Variants in ATOH1 observed in about 807,000 individuals in gnomAD.
ATOH1 encodes transcription factor ATOH1.
In ATOH1, 9 loss-of-function variants were observed where a neutral mutation model predicts 20.7. That is an observed-to-expected ratio of 0.44 (90% confidence interval 0.26 to 0.76). The LOEUF (loss-of-function observed/expected upper bound fraction) is 0.76. Ranked by LOEUF, ATOH1 falls within the 30% of genes least tolerant of loss-of-function variation. ATOH1 has a pLI of 0.20. For missense variants in ATOH1, 516 were observed against 479.3 expected (o/e 1.08, Z -0.71); for synonymous variants, 247 against 214.3 (o/e 1.15, Z -1.33).
In ATOH1 at chr4:93,830,164, G is replaced by T. The variant is rs547309428; in HGVS notation, c.*173G>T. 23 of 1,346,726 alleles carry T rather than the reference G, an allele frequency of 1.7e-5. No homozygotes were observed. The South Asian group carries it at 4.1e-4, about 24-fold the overall frequency. The allele number at this position is 1,346,726 out of a possible 1,614,324, so 83.4% of individuals were successfully genotyped here. On this transcript the variant is annotated 3_prime_UTR_variant, in exon 1 of 1. Coordinates refer to ENST00000306011, the MANE Select transcript of ATOH1 (RefSeq NM_005172.2). ...CTACATTTGATGGTTTGCAAATGCCGCCGCTGTTCCAAACTTCCTACGGTC... is the reference window on the plus strand; with the variant it reads ...CTACATTTGATGGTTTGCAAATGCCTCCGCTGTTCCAAACTTCCTACGGTC...
Position 93,829,733 on chromosome 4 carries a change from C to T in ATOH1, c.807C>T (p.Pro269=). The T allele has an allele frequency of 2.5e-6, 4 of 1,577,524 alleles. No homozygotes were observed. The South Asian group carries it at 3.6e-5, about 14-fold the overall frequency. Reference sequence around the variant, plus strand: ...GAGGGAGCCAGCGGCCGACCCCGCCCGGGAGTTGCCGGACTCGCTTCTCAG... The same window carrying T: ...GAGGGAGCCAGCGGCCGACCCCGCCTGGGAGTTGCCGGACTCGCTTCTCAG... ...ASGGSQRPTP[P]GSCRTRFSAP... is the part of the protein sequence containing the mutation. The change falls in exon 1 of 1, where the codon CCC becomes CCT. Residue 269 remains proline (P), a synonymous_variant. Transcript: ENST00000306011. The surrounding 1 kb of genome is among the most constrained non-coding windows in gnomAD (Gnocchi z 4.5).
rs1295165571 is a variant in ATOH1, at chr4:93,829,677, G to A, written c.751G>A (p.Ala251Thr). 1.9e-6 allele frequency: 3 copies of A among 1,571,130 alleles called. No homozygotes were observed. The highest frequency in any genetic ancestry group is 4.5e-5 in the East Asian group (2 of 44,568). Residue 251 changes from alanine to threonine, a missense_variant, in exon 1 of 1, where the codon GCG becomes ACG. By Grantham distance (58) the Ala-to-Thr change is moderately conservative. Coordinates refer to ENST00000306011, the MANE Select transcript of ATOH1 (RefSeq NM_005172.2). The surrounding 1 kb of genome is among the most constrained non-coding windows in gnomAD (Gnocchi z 4.5). ...CTCCTATGAAGGGGGCGCGGGCAAC[G>A]CGACCGCAGCTGGGGCTCAGCAGGC... The part of the protein sequence containing the change: ...AASYEGGAGN[A>T]TAAGAQQASG...
Position 93,829,502 on chromosome 4 carries a change from C to A in ATOH1, c.576C>A (p.Asp192Glu). The stretch of plus-strand genomic sequence containing the variant: ...ATGTTATCCCGTCGTTCAACAACGA[C>A]AAGAAGCTGTCCAAATATGAGACCC... ...LRNVIPSFNN[D>E]KKLSKYETLQ... Residue 192 changes from aspartate to glutamate, a missense_variant, in exon 1 of 1, where the codon GAC (aspartate) becomes GAA (glutamate). By Grantham distance (45) the Asp-to-Glu change is conservative. Coordinates refer to ENST00000306011, the MANE Select transcript of ATOH1 (RefSeq NM_005172.2). The surrounding 1 kb of genome is among the most constrained non-coding windows in gnomAD (Gnocchi z 4.5). The A allele has an allele frequency of 6.2e-7, 1 of 1,614,254 alleles. No homozygotes were observed. Among genetic ancestry groups the A allele is most frequent in the Admixed American group, 1.7e-5 (1 of 60,026 alleles).
In ATOH1 at chr4:93,830,920, T is replaced by G. The variant is rs1168991977; in HGVS notation, c.*929T>G. On this transcript the variant is annotated 3_prime_UTR_variant, in exon 1 of 1. Transcript: ENST00000306011. ...AATTTAGCAAAGCCAACTGCCCTTG[T>G]TTAATGTATTTTGTTTTGCAAATGA... 6.0e-6 allele frequency: 1 copy of G among 166,974 alleles called. No individual in the cohort carries two copies. Among genetic ancestry groups the G allele is most frequent in the Non-Finnish European group, 1.5e-5 (1 of 68,114 alleles). 10.3% of individuals were successfully genotyped at this position (166,974 alleles called of 1,614,324 possible).
chr4:93,829,750 G>T lies in ATOH1; in HGVS notation c.824G>T (p.Arg275Leu). The T allele has an allele frequency of 1.9e-6, 3 of 1,587,422 alleles. No homozygotes were observed. In the South Asian group the frequency reaches 3.5e-5, roughly 18 times the overall value. ...ACCCCGCCCGGGAGTTGCCGGACTC[G>T]CTTCTCAGCCCCAGCTTCTGCGGGA... ...RPTPPGSCRT[R>L]FSAPASAGGY... The change falls in exon 1 of 1, where the codon CGC (arginine) becomes CTC (leucine). Residue 275 changes from arginine (R) to leucine (L), a missense_variant. Transcript: ENST00000306011. The surrounding 1 kb of genome is among the most constrained non-coding windows in gnomAD (Gnocchi z 4.5).
At position 93,829,128 on chromosome 4, in the gene ATOH1, A is replaced by G. The variant is rs1735390194; in HGVS notation, c.202A>G (p.Thr68Ala). Reference sequence around the variant, plus strand: ...CGACCCACGCGCCTGGCTGGCTCCCACTTTGCAGGGCATCTGCACGGCACG... The same window carrying G: ...CGACCCACGCGCCTGGCTGGCTCCCGCTTTGCAGGGCATCTGCACGGCACG... The part of the protein sequence containing the change: ...STDPRAWLAP[T>A]LQGICTARAA... The change falls in exon 1 of 1, where the codon ACT becomes GCT. Residue 68 changes from threonine to alanine, a missense_variant. Physicochemically the swap from Thr to Ala is moderately conservative, Grantham distance 58. Transcript: ENST00000306011. The surrounding 1 kb of genome is among the most constrained non-coding windows in gnomAD (Gnocchi z 4.5). 1.2e-6 allele frequency: 2 copies of G among 1,607,566 alleles called. No individual in the cohort carries two copies. Among genetic ancestry groups the G allele is most frequent in the Non-Finnish European group, 1.7e-6 (2 of 1,176,116 alleles).
At position 93,829,315 on chromosome 4, in the gene ATOH1, A is replaced by T; in HGVS notation, c.389A>T (p.Lys130Met). Residue 130 changes from lysine to methionine, a missense_variant, in exon 1 of 1, where the codon AAG becomes ATG. Lys to Met is a moderately conservative substitution (Grantham distance 95). Transcript: ENST00000306011. This position sits in a 1 kb window ranked among gnomAD's most constrained non-coding sequence, Gnocchi z 4.5. ...GPVKVREQLC[K>M]LKGGVVVDEL... ...GTGAAAGTGCGGGAACAGCTGTGCA[A>T]GCTGAAAGGCGGGGTGGTGGTAGAC... 6.2e-7 allele frequency: 1 copy of T among 1,613,812 alleles called. No individual in the cohort carries two copies. The highest frequency in any genetic ancestry group is 1.7e-5 in the Admixed American group (1 of 60,012).
rs201509026 is a variant in ATOH1, at chr4:93,829,220, G to T, written c.294G>T (p.Glu98Asp). ...GASEAAAPRD[E>D]VDGRGELVRR... Reference sequence around the variant, plus strand: ...CAGAGGCCGCTGCGCCCCGGGACGAGGTGGACGGCCGGGGGGAGCTGGTAA... The same window carrying T: ...CAGAGGCCGCTGCGCCCCGGGACGATGTGGACGGCCGGGGGGAGCTGGTAA... Residue 98 changes from glutamate (E) to aspartate (D), a missense_variant, in exon 1 of 1, where the codon GAG (glutamate) becomes GAT (aspartate). Transcript: ENST00000306011. The surrounding 1 kb of genome is among the most constrained non-coding windows in gnomAD (Gnocchi z 4.5). The T allele has an allele frequency of 2.5e-4, 391 of 1,586,054 alleles. No homozygotes were observed. The highest frequency in any genetic ancestry group is 2.6e-4 in the Non-Finnish European group (299 of 1,165,182).
Position 93,828,983 on chromosome 4 carries a change from C to G in ATOH1, c.57C>G (p.His19Gln). The change falls in exon 1 of 1, where the codon CAC becomes CAG. Residue 19 changes from histidine (H) to glutamine (Q), a missense_variant. Coordinates refer to ENST00000306011, the MANE Select transcript of ATOH1 (RefSeq NM_005172.2). ...CTGAAGTGAAGGAGTTGGGAGACCACCATCGCCAGCCCCAGCCGCATCATC... is the reference window on the plus strand; with the variant it reads ...CTGAAGTGAAGGAGTTGGGAGACCAGCATCGCCAGCCCCAGCCGCATCATC... ...EWAEVKELGD[H>Q]HRQPQPHHLP... is the part of the protein sequence containing the mutation. 1 of 1,612,632 alleles carries G rather than the reference C, an allele frequency of 6.2e-7. No homozygotes were observed. The highest frequency in any genetic ancestry group is 8.5e-7 in the Non-Finnish European group (1 of 1,179,308).
chr4:93,829,771 C>T lies in ATOH1; in HGVS notation c.845C>T (p.Ala282Val), dbSNP rs1193365235. 2.5e-6 allele frequency: 4 copies of T among 1,603,474 alleles called. No homozygotes were observed. Among genetic ancestry groups the T allele is most frequent in the East Asian group, 2.2e-5 (1 of 44,796 alleles). ...CRTRFSAPAS[A>V]GGYSVQLDAL... ...ACTCGCTTCTCAGCCCCAGCTTCTG[C>T]GGGAGGGTACTCGGTGCAGCTGGAC... Residue 282 changes from alanine (A) to valine (V), a missense_variant, in exon 1 of 1, where the codon GCG (alanine) becomes GTG (valine). Ala to Val is a moderately conservative substitution (Grantham distance 64). Coordinates refer to ENST00000306011, the MANE Select transcript of ATOH1 (RefSeq NM_005172.2). This position sits in a 1 kb window ranked among gnomAD's most constrained non-coding sequence, Gnocchi z 4.5.
In ATOH1 at chr4:93,830,168, C is replaced by A; in HGVS notation, c.*177C>A. 1 of 1,307,416 alleles carries A rather than the reference C, an allele frequency of 7.6e-7. No homozygotes were observed. Among genetic ancestry groups the A allele is most frequent in the Non-Finnish European group, 1.0e-6 (1 of 988,922 alleles). The allele number at this position is 1,307,416 out of a possible 1,614,324, so 81.0% of individuals were successfully genotyped here. A position where few individuals can be genotyped will look rare whatever the true frequency, so the allele number is the denominator to read the frequency against. On this transcript the variant is annotated 3_prime_UTR_variant, in exon 1 of 1. Coordinates refer to ENST00000306011, the MANE Select transcript of ATOH1 (RefSeq NM_005172.2). The stretch of plus-strand genomic sequence containing the variant: ...ATTTGATGGTTTGCAAATGCCGCCG[C>A]TGTTCCAAACTTCCTACGGTCCATA...
chr4:93,830,805 A>C lies in ATOH1; in HGVS notation c.*814A>C, dbSNP rs1278426494. 1.8e-5 allele frequency: 3 copies of C among 166,980 alleles called. No individual in the cohort carries two copies. Among genetic ancestry groups the C allele is most frequent in the African/African-American group, 7.2e-5 (3 of 41,418 alleles). The allele number at this position is 166,980 out of a possible 1,614,324, so 10.3% of individuals were successfully genotyped here. The stretch of plus-strand genomic sequence containing the variant: ...TGGTCAATTTTATTTTGCTTTGTTA[A>C]TATTAGAAAACTTATTTATTATTGT... On this transcript the variant is annotated 3_prime_UTR_variant, in exon 1 of 1. Coordinates refer to ENST00000306011, the MANE Select transcript of ATOH1 (RefSeq NM_005172.2).
chr4:93,829,331 G>A lies in ATOH1; in HGVS notation c.405G>A (p.Val135=), dbSNP rs756274872. Reference sequence around the variant, plus strand: ...AGCTGTGCAAGCTGAAAGGCGGGGTGGTGGTAGACGAGCTGGGCTGCAGCC... The same window carrying A: ...AGCTGTGCAAGCTGAAAGGCGGGGTAGTGGTAGACGAGCTGGGCTGCAGCC... The part of the protein sequence containing the change: ...REQLCKLKGG[V]VVDELGCSRQ... Residue 135 remains valine (V), a synonymous_variant, in exon 1 of 1, where the codon GTG becomes GTA. Transcript: ENST00000306011. This position sits in a 1 kb window ranked among gnomAD's most constrained non-coding sequence, Gnocchi z 4.5. 1.9e-6 allele frequency: 3 copies of A among 1,613,990 alleles called. No individual in the cohort carries two copies. The highest frequency in any genetic ancestry group is 2.2e-5 in the East Asian group (1 of 44,878).
rs558178668 is a variant in ATOH1, at chr4:93,830,310, C to T, written c.*319C>T. On this transcript the variant is annotated 3_prime_UTR_variant, in exon 1 of 1. Coordinates refer to ENST00000306011, the MANE Select transcript of ATOH1 (RefSeq NM_005172.2). The stretch of plus-strand genomic sequence containing the variant: ...GTATATGGCATCATTATTCTAGTTC[C>T]CTGCTGCCAATACGCTGCTAAAACG... 30 of 260,606 alleles carry T rather than the reference C, an allele frequency of 1.2e-4. 1 individual carries two copies. In the South Asian group the frequency reaches 3.6e-3, roughly 31 times the overall value. The allele number at this position is 260,606 out of a possible 1,614,324, so 16.1% of individuals were successfully genotyped here. A position where few individuals can be genotyped will look rare whatever the true frequency, so the allele number is the denominator to read the frequency against.
In ATOH1 at chr4:93,828,838, C is replaced by T; in HGVS notation, c.-89C>T. On this transcript the variant is annotated 5_prime_UTR_variant, in exon 1 of 1. Transcript: ENST00000306011. ...GGAGGGAAAAAAAAATAAGACGTTG[C>T]AGAAGAGACCCGGAAAGGGCCTTTT... The T allele has an allele frequency of 7.1e-7, 1 of 1,405,500 alleles. No individual in the cohort carries two copies. Among genetic ancestry groups the T allele is most frequent in the South Asian group, 1.5e-5 (1 of 67,240 alleles). 87.1% of individuals were successfully genotyped at this position (1,405,500 alleles called of 1,614,324 possible). A position where few individuals can be genotyped will look rare whatever the true frequency, so the allele number is the denominator to read the frequency against.
Position 93,830,236 on chromosome 4 carries a change from C to A in ATOH1, c.*245C>A. On this transcript the variant is annotated 3_prime_UTR_variant, in exon 1 of 1. Coordinates refer to ENST00000306011, the MANE Select transcript of ATOH1 (RefSeq NM_005172.2). ...TCTGTTAAAATTGTGTCCTTTCCGCCCACCTTCTGCTCCCCCTTTAGATAG... is the reference window on the plus strand; with the variant it reads ...TCTGTTAAAATTGTGTCCTTTCCGCACACCTTCTGCTCCCCCTTTAGATAG... 1 of 705,388 alleles carries A rather than the reference C, an allele frequency of 1.4e-6. No individual in the cohort carries two copies. The allele number at this position is 705,388 out of a possible 1,614,324, so 43.7% of individuals were successfully genotyped here.
chr4:93,829,624 G>A lies in ATOH1; in HGVS notation c.698G>A (p.Ser233Asn), dbSNP rs761088395. ...CCGCCGCCTCCAGCCTCCTGCAAAA[G>A]CGACCACCACCACCTTCGCACCGCG... ...QPPPPPASCK[S>N]DHHHLRTAAS... The change falls in exon 1 of 1, where the codon AGC becomes AAC. Residue 233 changes from serine (S) to asparagine (N), a missense_variant. Transcript: ENST00000306011. This position sits in a 1 kb window ranked among gnomAD's most constrained non-coding sequence, Gnocchi z 4.5. The A allele has an allele frequency of 1.2e-6, 2 of 1,610,532 alleles. No individual in the cohort carries two copies. Among genetic ancestry groups the A allele is most frequent in the South Asian group, 1.1e-5 (1 of 90,482 alleles).
At position 93,828,960 on chromosome 4, in the gene ATOH1, G is replaced by A; in HGVS notation, c.34G>A (p.Glu12Lys). 2 of 1,609,570 alleles carry A rather than the reference G, an allele frequency of 1.2e-6. No homozygotes were observed. The highest frequency in any genetic ancestry group is 1.7e-6 in the Non-Finnish European group (2 of 1,177,560). Residue 12 changes from glutamate to lysine, a missense_variant, in exon 1 of 1, where the codon GAA becomes AAA. Glu to Lys is a moderately conservative substitution (Grantham distance 56). Coordinates refer to ENST00000306011, the MANE Select transcript of ATOH1 (RefSeq NM_005172.2). ...CCTGCTGCATGCAGAAGAGTGGGCT[G>A]AAGTGAAGGAGTTGGGAGACCACCA... is the stretch of plus-strand genomic sequence containing the variant. ...SRLLHAEEWA[E>K]VKELGDHHRQ...
In ATOH1 at chr4:93,829,627, A is replaced by G. The variant is rs780811958; in HGVS notation, c.701A>G (p.Asp234Gly). The G allele has an allele frequency of 6.2e-7, 1 of 1,608,708 alleles. No individual in the cohort carries two copies. Among genetic ancestry groups the G allele is most frequent in the Non-Finnish European group, 8.5e-7 (1 of 1,177,476 alleles). ...CCGCCTCCAGCCTCCTGCAAAAGCGACCACCACCACCTTCGCACCGCGGCC... is the reference window on the plus strand; with the variant it reads ...CCGCCTCCAGCCTCCTGCAAAAGCGGCCACCACCACCTTCGCACCGCGGCC... ...PPPPPASCKS[D>G]HHHLRTAASY... The change falls in exon 1 of 1, where the codon GAC becomes GGC. Residue 234 changes from aspartate to glycine, a missense_variant. Transcript: ENST00000306011. The surrounding 1 kb of genome is among the most constrained non-coding windows in gnomAD (Gnocchi z 4.5).
Sources: allele counts gnomAD v4.1 joint callset, GRCh38; gene constraint gnomAD v4.1.1; non-coding constraint Gnocchi (gnomAD v3.1); transcripts MANE v1.5; gene names NCBI Gene and HGNC (gene_info 2026-07-23, HGNC 2026-07-21).